Variants in PPFIBP2 observed in about 807,000 individuals in gnomAD.
The protein encoded by PPFIBP2 is PPFIB scaffold protein 2, also known as liprin-beta-2.
A neutral mutation model predicts 118.3 loss-of-function variants in PPFIBP2; 118 were observed. The ratio of observed to expected loss-of-function variants is 1.00; its 90% CI spans 0.86 to 1.16. The LOEUF (loss-of-function observed/expected upper bound fraction) is 1.16. Among genes scored for constraint, PPFIBP2 ranks in the 50% most tolerant of loss-of-function variants. The pLI is 0.00. For synonymous variants in PPFIBP2, 414 were observed against 397.4 expected (o/e 1.04, Z -0.50); for missense variants, 1,195 against 1,073.1 (o/e 1.11, Z -1.59).
intron 1 of PPFIBP2, among the ~76,000 whole-genome samples, chr11:7,529,650 A>G (rs1228722640): frequency 6.6e-6 from 1 of 152,184 alleles, no homozygotes; most frequent in Non-Finnish European, 1.5e-5. Context: ...CTAACCCTAC[A>G]GAGCCCAGTT....
At chr11:7,533,477 G>C (rs989144794) in intron 1 of PPFIBP2, among the ~76,000 whole-genome samples, 11 of 152,226 alleles carry the variant, frequency 7.2e-5, no homozygotes, top group Admixed American at 4.6e-4. Context: ...CATACTCCTT[G>C]CTCTCTAGCA....
chr11:7,593,318 T>G (rs933797729), intron 4 of PPFIBP2, 94 bp downstream of exon 4: 1 of 1,495,998 alleles, frequency 6.7e-7, no homozygotes, highest in African/African-American at 1.4e-5. Context: ...TTTTCTCTGT[T>G]GGAATTTTTC....
At chr11:7,610,575 C>T in intron 6 of PPFIBP2, 153 bp downstream of exon 6, 1 of 1,144,878 alleles carries the variant, frequency 8.7e-7, no homozygotes, top group East Asian at 2.4e-5. Flanking sequence ...ACCAAGTTAT[C>T]AGGTTTTGCT....
chr11:7,590,959 C>T (rs372511532), intron 3 of PPFIBP2, among the ~76,000 whole-genome samples: 1 of 152,198 alleles, frequency 6.6e-6, no homozygotes, highest in South Asian at 2.1e-4. Flanking sequence ...TTTTACCATA[C>T]TGATCTGCGG....
intron 21 of PPFIBP2, among the ~76,000 whole-genome samples, chr11:7,649,895 A>G (rs1053727071): frequency 1.3e-5 from 2 of 152,232 alleles, no homozygotes; most frequent in Non-Finnish European, 2.9e-5. Context: ...CTATAAAGTC[A>G]TCATAGTGAT....
intron 5 of PPFIBP2, among the ~76,000 whole-genome samples, chr11:7,598,883 C>T (rs80154318): frequency 0.092 from 13,905 of 151,772 alleles, 1,107 homozygotes; most frequent in African/African-American, 0.19. Context: ...TGTTTGAGTG[C>T]CTTTGAAGAA....
intron 3 of PPFIBP2, chr11:7,577,328 T>TGTGCGTGTGTGTGTGC (rs1554958789): frequency 2.8e-5 from 8 of 283,268 alleles, no homozygotes; most frequent in East Asian, 8.8e-5. Flanking sequence ...TGCGTGTGTG[T>TGTGCGTGTGTGTGTGC]GTGTGTGTGT....
At chr11:7,520,137 A>G (rs1423941761) in intron 1 of PPFIBP2, among the ~76,000 whole-genome samples, 1 of 152,210 alleles carries the variant, frequency 6.6e-6, no homozygotes, top group Non-Finnish European at 1.5e-5. Flanking sequence ...ATGGCGCAAC[A>G]TGCTGTTTTA....
At chr11:7,643,514 C>G (rs1427730666) in intron 17 of PPFIBP2, among the ~76,000 whole-genome samples, 2 of 152,162 alleles carry the variant, frequency 1.3e-5, no homozygotes, top group African/African-American at 2.4e-5. Flanking sequence ...CTGCTTTGTT[C>G]AAATGTCTTT....
At chr11:7,582,727 A>G (rs924390134) in intron 3 of PPFIBP2, among the ~76,000 whole-genome samples, 1 of 152,016 alleles carries the variant, frequency 6.6e-6, no homozygotes, top group Non-Finnish European at 1.5e-5. Flanking sequence ...AAAAAAAAAA[A>G]AAAACCAGCC....
At chr11:7,561,787 T>C (rs1854325526) in intron 2 of PPFIBP2, among the ~76,000 whole-genome samples, 1 of 152,240 alleles carries the variant, frequency 6.6e-6, no homozygotes, top group Non-Finnish European at 1.5e-5. Flanking sequence ...TCTGTTTCTA[T>C]CTGCCAGGAA....
At chr11:7,551,312 G>C (rs563946366) in intron 2 of PPFIBP2, among the ~76,000 whole-genome samples, 1 of 152,280 alleles carries the variant, frequency 6.6e-6, no homozygotes, top group Admixed American at 6.5e-5. Flanking sequence ...GAGACTGAGC[G>C]AGTCCCTGGC....
chr11:7,519,956 C>T (rs1195190833), intron 1 of PPFIBP2, among the ~76,000 whole-genome samples: 1 of 152,190 alleles, frequency 6.6e-6, no homozygotes, highest in East Asian at 1.9e-4. Context: ...AGAGAGGCGA[C>T]TGGAGGCTAA....
intron 2 of PPFIBP2, among the ~76,000 whole-genome samples, chr11:7,553,062 GT>G (rs143176190): frequency 0.061 from 9,168 of 150,890 alleles, 359 homozygotes; most frequent in South Asian, 0.15. Context: ...CATGCTAGAT[GT>G]TTTTTTTTCA....
chr11:7,519,191 C>A (rs1210131336), intron 1 of PPFIBP2, among the ~76,000 whole-genome samples: 3 of 152,030 alleles, frequency 2.0e-5, no homozygotes, highest in Non-Finnish European at 4.4e-5. Flanking sequence ...AAAGAGGAGG[C>A]TTGCGGGGTT....
At chr11:7,582,212 A>G (rs1344848853) in intron 3 of PPFIBP2, among the ~76,000 whole-genome samples, 27 of 152,168 alleles carry the variant, frequency 1.8e-4, no homozygotes, top group Admixed American at 1.8e-3. Flanking sequence ...ATCGATCAGA[A>G]CTGACAACCT....
downstream of PPFIBP2, among the ~76,000 whole-genome samples, chr11:7,655,911 G>A (rs909920551): frequency 1.3e-5 from 2 of 152,202 alleles, no homozygotes; most frequent in East Asian, 1.9e-4. Flanking sequence ...ATTTCCTATC[G>A]TGCCTCTGAC....
At chr11:7,580,735 A>G (rs1353850020) in intron 3 of PPFIBP2, among the ~76,000 whole-genome samples, 1 of 152,200 alleles carries the variant, frequency 6.6e-6, no homozygotes, top group East Asian at 1.9e-4. Flanking sequence ...CTTTAACTAT[A>G]AAATAAGGGA....
chr11:7,544,771 CT>C (rs1852149320), intron 1 of PPFIBP2, among the ~76,000 whole-genome samples: 1 of 85,380 alleles, frequency 1.2e-5, no homozygotes, highest in East Asian at 3.2e-4. Context: ...GAGACTCCAT[CT>C]AAAAAAAAAA....
Sources: allele counts gnomAD v4.1 joint callset (sites outside exome capture counted in the v4.1 genomes callset), GRCh38; gene constraint gnomAD v4.1.1; transcripts MANE v1.5; gene names NCBI Gene and HGNC (gene_info 2026-07-23, HGNC 2026-07-21).